The following PKNOX1 variants were observed in gnomAD, a reference collection of about 807,000 sequenced individuals.
The protein encoded by PKNOX1 is homeobox protein PKNOX1.
A neutral mutation model predicts 51.9 loss-of-function variants in PKNOX1; 15 were observed. That is an observed-to-expected ratio of 0.29 (90% CI 0.19 to 0.45). PKNOX1 has a LOEUF of 0.45. Ranked by LOEUF, PKNOX1 falls within the 20% of genes least tolerant of loss-of-function variation. PKNOX1 has a pLI of 1.00. For missense variants in PKNOX1, 462 were observed against 547.5 expected, an observed-to-expected ratio of 0.84 and a Z score of 1.56; for synonymous variants, 219 against 211.1, an observed-to-expected ratio of 1.04 and a Z score of -0.32.
rs1980281038 is a variant in PKNOX1, at chr21:43,031,781, G to A, written c.*1680G>A. ...TATATTAATTGAGGTTAAGAAGTCAGTGGGAAACACACAGAAATTTGTTTT... is the reference window on the plus strand; with the variant it reads ...TATATTAATTGAGGTTAAGAAGTCAATGGGAAACACACAGAAATTTGTTTT... On this transcript the variant is annotated 3_prime_UTR_variant, in exon 11 of 11. Coordinates refer to ENST00000291547, the MANE Select transcript of PKNOX1 (RefSeq NM_004571.5). The A allele has an allele frequency of 6.2e-6, 1 of 161,736 alleles. No homozygotes were observed. The highest frequency in any genetic ancestry group is 1.4e-5 in the Non-Finnish European group (1 of 73,328). The allele number at this position is 161,736 out of a possible 1,614,324, so 10.0% of individuals were successfully genotyped here.
chr21:43,001,960 C>CAAATAAATAAATAAATAAATAAAT (rs34834721), intron 1 of PKNOX1, among the ~76,000 whole-genome samples: 2 of 146,300 alleles, frequency 1.4e-5, no homozygotes, highest in African/African-American at 5.1e-5. Flanking sequence ...GACTCCGTCT[C>CAAATAAATAAATAAATAAATAAAT]AAATAAATAA....
At chr21:42,977,783 G>A (rs1207459152) in intron 1 of PKNOX1, among the ~76,000 whole-genome samples, 1 of 151,958 alleles carries the variant, frequency 6.6e-6, no homozygotes, top group East Asian at 1.9e-4. Context: ...GACCTCAGGT[G>A]ATCCACCTGC....
rs9325621 is a variant in PKNOX1, at chr21:43,030,260, A to AGTGT, written c.*189_*192dup. ...TTTGCCGGTGCAGCGACTTCTTTCA[A>AGTGT]GTGTGTGTGTGTGTGTGTGTGTGTG... is the stretch of plus-strand genomic sequence containing the variant. On this transcript the variant is annotated 3_prime_UTR_variant, in exon 11 of 11. Coordinates refer to ENST00000291547, the MANE Select transcript of PKNOX1 (RefSeq NM_004571.5). 6.3e-3 allele frequency: 2,863 copies of AGTGT among 457,694 alleles called. 10 individuals are homozygous for AGTGT. The highest frequency in any genetic ancestry group is 0.028 in the Middle Eastern group (48 of 1,744). The allele number at this position is 457,694 out of a possible 1,614,324, so 28.4% of individuals were successfully genotyped here.
intron 7 of PKNOX1, chr21:43,020,455 G>C (rs750306558): frequency 6.6e-6 from 1 of 152,246 alleles, no homozygotes; most frequent in Non-Finnish European, 1.5e-5. Flanking sequence ...TGTTTTGTGA[G>C]AAGGAATTTA....
intron 9 of PKNOX1, among the ~76,000 whole-genome samples, chr21:43,026,836 A>G (rs922142352): frequency 1.8e-5 from 2 of 112,946 alleles, no homozygotes; most frequent in African/African-American, 3.7e-5. Context: ...GTGGGTGGCC[A>G]TGGAGCTTGT....
intron 1 of PKNOX1, 69 bp downstream of exon 1, chr21:42,974,733 AC>A (rs945184006): frequency 7.6e-5 from 12 of 157,650 alleles, no homozygotes; most frequent in Non-Finnish European, 1.4e-4. Flanking sequence ...TATCAATCAC[AC>A]CGGCCCGCGG....
In PKNOX1 at chr21:43,030,828, T is replaced by C. The variant is rs3403; in HGVS notation, c.*727T>C. The C allele has an allele frequency of 0.24, 36,503 of 152,134 alleles. 4,765 individuals are homozygous for C. Among genetic ancestry groups the C allele is most frequent in the Non-Finnish European group, 0.29 (19,874 of 67,954 alleles). The allele number at this position is 152,134 out of a possible 1,614,324, so 9.4% of individuals were successfully genotyped here. A position where few individuals can be genotyped will look rare whatever the true frequency, so the allele number is the denominator to read the frequency against. ...AATGTTCTGAATTGACCAAATTTAA[T>C]GAACCTGCCCAAAGTTAGCTACCGT... On this transcript the variant is annotated 3_prime_UTR_variant, in exon 11 of 11. Coordinates refer to ENST00000291547, the MANE Select transcript of PKNOX1 (RefSeq NM_004571.5).
rs1227655838 is a variant in PKNOX1 at position 43,033,804 on chromosome 21, GC to G, written c.*3704del. 2.0e-5 allele frequency: 3 copies of G among 152,124 alleles called. No individual in the cohort carries two copies. The highest frequency in any genetic ancestry group is 7.2e-5 in the African/African-American group (3 of 41,412). 9.4% of individuals were successfully genotyped at this position (152,124 alleles called of 1,614,324 possible). ...CTTTGTTCATTCATTGGCTGTTCAG[GC>G]AGAAAATGGAAACAGGTAGCTTTTA... On this transcript the variant is annotated 3_prime_UTR_variant, in exon 11 of 11. Transcript: ENST00000291547.
intron 1 of PKNOX1, among the ~76,000 whole-genome samples, chr21:42,994,417 T>A (rs187290266): frequency 1.8e-4 from 26 of 146,978 alleles, no homozygotes; most frequent in African/African-American, 6.3e-4. Context: ...CCTCAAGTGA[T>A]CCACCCACAT....
chr21:42,987,404 A>AAAAAAAAAAATATATATATATAT, intron 1 of PKNOX1, among the ~76,000 whole-genome samples: 1 of 41,408 alleles, frequency 2.4e-5, no homozygotes, highest in African/African-American at 9.3e-5. Flanking sequence ...AAAAAAAAAA[A>AAAAAAAAAAATATATATATATAT]ATATATATAT....
chr21:43,018,474 C>CCA (rs555017462), intron 7 of PKNOX1, among the ~76,000 whole-genome samples: 1,501 of 14,460 alleles, frequency 0.1, 565 homozygotes, highest in East Asian at 0.29. Flanking sequence ...CCCCTGCCAC[C>CCA]CACACACACA....
At chr21:43,016,029 C>A (rs1431220358) in intron 5 of PKNOX1, among the ~76,000 whole-genome samples, 3 of 152,218 alleles carry the variant, frequency 2.0e-5, no homozygotes, top group Non-Finnish European at 4.4e-5. Flanking sequence ...ACTAGCTTAA[C>A]TTTTATTACA....
At chr21:42,979,537 T>G (rs2059016094) in intron 1 of PKNOX1, among the ~76,000 whole-genome samples, 1 of 151,872 alleles carries the variant, frequency 6.6e-6, no homozygotes, top group Non-Finnish European at 1.5e-5. Context: ...GGTCAGGAGA[T>G]CGAGACCATC....
At position 43,028,889 on chromosome 21, in the gene PKNOX1, C is replaced by A. The variant is rs758268059; in HGVS notation, c.1099+15C>A. On this transcript the variant is annotated intron_variant, in intron 10 of 10. Transcript: ENST00000291547. ...CATGTCGGAAGGTACAGGTGGCCGG[C>A]CAAGGCCAGACATGGTGGACCATGG... 13 of 1,613,056 alleles carry A rather than the reference C, an allele frequency of 8.1e-6. No homozygotes were observed. Among genetic ancestry groups the A allele is most frequent in the Non-Finnish European group, 1.1e-5 (13 of 1,179,034 alleles).
At chr21:42,990,709 C>A (rs753707441) in intron 1 of PKNOX1, among the ~76,000 whole-genome samples, 3 of 152,010 alleles carry the variant, frequency 2.0e-5, no homozygotes, top group Non-Finnish European at 2.9e-5. Context: ...GACATGGGAG[C>A]CTTTATAAGG....
Position 43,031,923 on chromosome 21 carries a change from G to T in PKNOX1, c.*1822G>T. 4.4e-6 allele frequency: 1 copy of T among 224,778 alleles called. No individual in the cohort carries two copies. Among genetic ancestry groups the T allele is most frequent in the South Asian group, 5.3e-5 (1 of 18,730 alleles). The allele number at this position is 224,778 out of a possible 1,614,324, so 13.9% of individuals were successfully genotyped here. ...GTTGCCCAGGCTGGAGGGCAATGGT[G>T]CAATCTCAGCTCACTGCAACCTCCA... On this transcript the variant is annotated 3_prime_UTR_variant, in exon 11 of 11. Transcript: ENST00000291547.
chr21:43,004,074 C>G (rs372673342), intron 1 of PKNOX1: 53 of 238,064 alleles, frequency 2.2e-4, no homozygotes, highest in African/African-American at 1.2e-3. Context: ...CCCGTCTCTA[C>G]TAAAAACACA....
At chr21:43,004,252 T>G (rs62219495) in intron 1 of PKNOX1, 74 bp from the exon 2 acceptor site, 21 of 646,752 alleles carry the variant, frequency 3.2e-5, no homozygotes, top group South Asian at 1.8e-4. Context: ...AAAAAAAATT[T>G]GATGTTATGG....
intron 1 of PKNOX1, among the ~76,000 whole-genome samples, chr21:42,985,588 AC>A: frequency 6.6e-6 from 1 of 151,052 alleles, no homozygotes; most frequent in East Asian, 2.0e-4. Flanking sequence ...GCCTGCCTCG[AC>A]CTCCCACAAT....
Sources: allele counts gnomAD v4.1 joint callset (sites outside exome capture counted in the v4.1 genomes callset), GRCh38; gene constraint gnomAD v4.1.1; transcripts MANE v1.5; gene names NCBI Gene and HGNC (gene_info 2026-07-23, HGNC 2026-07-21).